MMS22L: variants seen among roughly 807,000 people sequenced by gnomAD.
MMS22L encodes MMS22 like, DNA repair protein.
Under a neutral mutation model 159.1 loss-of-function variants are expected in MMS22L, and 74 were observed. The ratio of observed to expected loss-of-function variants is 0.47; its 90% CI spans 0.39 to 0.56. The LOEUF is 0.56. Ranked by LOEUF, MMS22L falls within the 20% of genes least tolerant of loss-of-function variation. The pLI is 0.00. For missense variants in MMS22L, 1,351 were observed against 1,422.1 expected, an observed-to-expected ratio of 0.95 and a Z score of 0.80; for synonymous variants, 517 against 506.9, an observed-to-expected ratio of 1.02 and a Z score of -0.27.
At chr6:97,274,814 C>T (rs1562530630) in intron 4 of MMS22L, among the ~76,000 whole-genome samples, 2 of 152,076 alleles carry the variant, frequency 1.3e-5, no homozygotes, top group Admixed American at 1.3e-4. Context: ...TTACCCAACG[C>T]CAGGGAAAAA....
chr6:97,263,660 C>A, intron 8 of MMS22L: 1 of 363,978 alleles, frequency 2.7e-6, no homozygotes, highest in Non-Finnish European at 4.8e-6. Context: ...TTGATTTCAA[C>A]TTAAAAAAAA....
intron 14 of MMS22L, among the ~76,000 whole-genome samples, chr6:97,201,067 G>A (rs1212855132): frequency 6.6e-6 from 1 of 151,968 alleles, no homozygotes; most frequent in Non-Finnish European, 1.5e-5. Context: ...GTCCTTATAA[G>A]AAAGTAACTT....
At chr6:97,182,128 AT>A in intron 15 of MMS22L, 74 bp from the exon 16 acceptor site, 1 of 1,198,578 alleles carries the variant, frequency 8.3e-7, no homozygotes, top group Non-Finnish European at 1.1e-6. Flanking sequence ...CCCCTGGCCA[AT>A]TATAACAAGT....
chr6:97,269,063 A>G (rs528827344), intron 7 of MMS22L, among the ~76,000 whole-genome samples: 1 of 152,262 alleles, frequency 6.6e-6, no homozygotes, highest in East Asian at 1.9e-4. Context: ...AGGATAAAAG[A>G]TATTTATCCA....
At chr6:97,172,093 T>A (rs980455967) in intron 19 of MMS22L, among the ~76,000 whole-genome samples, 11 of 152,112 alleles carry the variant, frequency 7.2e-5, no homozygotes, top group Non-Finnish European at 1.3e-4. Context: ...TTGGCAAAAA[T>A]CTAAATCTGG....
chr6:97,165,788 C>T (rs1394064926), intron 20 of MMS22L, among the ~76,000 whole-genome samples: 2 of 152,094 alleles, frequency 1.3e-5, no homozygotes, highest in African/African-American at 4.8e-5. Context: ...TTTATGTGTA[C>T]TTACAAAGTT....
chr6:97,191,962 T>A (rs1029070904), intron 14 of MMS22L, among the ~76,000 whole-genome samples: 3 of 152,204 alleles, frequency 2.0e-5, no homozygotes, highest in African/African-American at 7.2e-5. Flanking sequence ...AACTTCTAGG[T>A]ATGAAGAGAC....
rs189835125 is a variant in MMS22L, at chr6:97,183,959, C to A, written c.2234-1905G>T. ...AGCTACTATCCCCATTTTTCTACTTCTCTTAAACAGTGATATTCAAAAAGA... is the reference window on the plus strand; with the variant it reads ...AGCTACTATCCCCATTTTTCTACTTATCTTAAACAGTGATATTCAAAAAGA... On this transcript the variant is annotated intron_variant, in intron 15 of 24. Coordinates refer to ENST00000683635, the MANE Select transcript of MMS22L (RefSeq NM_001350599.2). Among the ~76,000 whole-genome samples the A allele has an allele frequency of 2.6e-5, 4 of 152,236 alleles. No individual in the cohort carries two copies. In the East Asian group the frequency reaches 7.7e-4, roughly 29 times the overall value.
chr6:97,173,017 C>T, intron 19 of MMS22L, 46 bp downstream of exon 19: 1 of 1,584,868 alleles, frequency 6.3e-7, no homozygotes, highest in Non-Finnish European at 8.6e-7. Flanking sequence ...AGTATAGGCT[C>T]AACCTAAGGA....
chr6:97,214,597 G>T (rs73760106), intron 14 of MMS22L, among the ~76,000 whole-genome samples: 3 of 151,276 alleles, frequency 2.0e-5, no homozygotes, highest in African/African-American at 7.3e-5. Flanking sequence ...TATAATAGCA[G>T]CCTAATATTG....
intron 22 of MMS22L, among the ~76,000 whole-genome samples, chr6:97,154,909 T>C (rs982798291): frequency 6.6e-6 from 1 of 152,212 alleles, no homozygotes; most frequent in Non-Finnish European, 1.5e-5. Flanking sequence ...GCTTTCTTCT[T>C]CTTTTTCCAA....
intron 22 of MMS22L, among the ~76,000 whole-genome samples, chr6:97,161,047 T>C (rs940791238): frequency 3.3e-5 from 5 of 152,090 alleles, no homozygotes; most frequent in African/African-American, 1.2e-4. Context: ...TTAAAGACAA[T>C]ATCTGACTGC....
At chr6:97,243,686 T>A (rs1053402712) in intron 11 of MMS22L, among the ~76,000 whole-genome samples, 3 of 152,126 alleles carry the variant, frequency 2.0e-5, no homozygotes, top group Admixed American at 2.0e-4. Context: ...GAATTGTTTT[T>A]CTGGGTCCTT....
intron 18 of MMS22L, among the ~76,000 whole-genome samples, chr6:97,175,259 C>T (rs1368974133): frequency 6.6e-6 from 1 of 152,086 alleles, no homozygotes; most frequent in African/African-American, 2.4e-5. Context: ...CTCTTTTATG[C>T]CTGACTTAAT....
At position 97,262,523 on chromosome 6, in the gene MMS22L, T is replaced by C. The variant is rs188495126; in HGVS notation, c.942+812A>G. 8.6e-5 allele frequency among the ~76,000 whole-genome samples: 13 copies of C among 151,838 alleles called. No homozygotes were observed. In the East Asian group the frequency reaches 2.3e-3, roughly 27 times the overall value. ...AGCTGGCCACGGTGGTGCATGCCTG[T>C]AACCCTAGCTACTCAGGATGCTAAG... On this transcript the variant is annotated intron_variant, in intron 9 of 24. Coordinates refer to ENST00000683635, the MANE Select transcript of MMS22L (RefSeq NM_001350599.2).
intron 24 of MMS22L, 129 bp from the exon 25 acceptor site, chr6:97,147,016 G>C (rs912297406): frequency 5.2e-6 from 3 of 572,110 alleles, no homozygotes; most frequent in East Asian, 3.4e-5. Context: ...AGCAGGCTTA[G>C]CACAACACTT....
At chr6:97,231,354 T>A (rs1411403353) in intron 13 of MMS22L, 72 bp downstream of exon 13, 2 of 1,120,498 alleles carry the variant, frequency 1.8e-6, no homozygotes, top group South Asian at 1.4e-5. Flanking sequence ...CAAGTAAACA[T>A]AACAAAATAC....
chr6:97,282,718 G>T (rs1816876606), intron 1 of MMS22L, among the ~76,000 whole-genome samples, 165 bp from the exon 2 acceptor site: 1 of 152,122 alleles, frequency 6.6e-6, no homozygotes, highest in Non-Finnish European at 1.5e-5. Context: ...AAGACAAAAT[G>T]CACAACCAAC....
chr6:97,161,255 T>A (rs1329756349), intron 22 of MMS22L, among the ~76,000 whole-genome samples: 1 of 152,116 alleles, frequency 6.6e-6, no homozygotes, highest in African/African-American at 2.4e-5. Context: ...AGTCTCCATG[T>A]GAAGACAATG....
Sources: gnomAD v4.1 joint callset for allele counts (sites outside exome capture counted in the v4.1 genomes callset) on GRCh38, gnomAD v4.1.1 for gene constraint, MANE v1.5 for transcripts, NCBI Gene and HGNC (gene_info 2026-07-23, HGNC 2026-07-21) for gene names.